EGFLAM: variants seen among roughly 807,000 people sequenced by gnomAD.
EGFLAM encodes the protein EGF like, fibronectin type III and laminin G domains, also known as pikachurin.
In EGFLAM, 79 loss-of-function variants were observed where a neutral mutation model predicts 113.1. The ratio of observed to expected loss-of-function variants is 0.70; its 90% confidence interval spans 0.58 to 0.84. The LOEUF is 0.84. EGFLAM is among the 40% of genes least tolerant of loss of function. The pLI, the probability that EGFLAM is intolerant of heterozygous loss-of-function variation, is 0.00. For missense variants in EGFLAM, 1,265 were observed against 1,291.6 expected (o/e 0.98, Z 0.32); for synonymous variants, 504 against 487.6 (o/e 1.03, Z -0.44).
At chr5:38,363,274 G>A (rs1739974910) in intron 5 of EGFLAM, among the ~76,000 whole-genome samples, 1 of 152,150 alleles carries the variant, frequency 6.6e-6, no homozygotes, top group Non-Finnish European at 1.5e-5. Flanking sequence ...TTTGCCCTGG[G>A]TAATGTATGG....
intron 3 of EGFLAM, chr5:38,345,398 A>G (rs946101195): frequency 1.3e-5 from 2 of 152,366 alleles, no homozygotes; most frequent in East Asian, 3.9e-4. Context: ...AAGAGTCCTG[A>G]AAGTCGCCTG....
intron 12 of EGFLAM, among the ~76,000 whole-genome samples, chr5:38,420,075 A>G (rs1483314698): frequency 2.0e-5 from 3 of 152,182 alleles, no homozygotes; most frequent in Non-Finnish European, 2.9e-5. Flanking sequence ...AACCAATGGT[A>G]CAGAACAGTT....
intron 15 of EGFLAM, 119 bp from the exon 16 acceptor site, chr5:38,435,018 G>T: frequency 1.3e-6 from 1 of 749,832 alleles, no homozygotes; most frequent in East Asian, 2.6e-5. Flanking sequence ...AGATTGTCAT[G>T]ATGGGTCTCT....
intron 1 of EGFLAM, among the ~76,000 whole-genome samples, chr5:38,281,437 C>T (rs1561261437): frequency 6.6e-6 from 1 of 151,964 alleles, no homozygotes; most frequent in Non-Finnish European, 1.5e-5. Context: ...TTGCATGGGA[C>T]ATATTTATAC....
chr5:38,335,309 C>T (rs1026029218), intron 1 of EGFLAM, among the ~76,000 whole-genome samples: 39 of 152,110 alleles, frequency 2.6e-4, no homozygotes, highest in Admixed American at 2.3e-3. Context: ...TTATTTTTAC[C>T]AGCGATATTT....
At chr5:38,275,531 A>G (rs974237259) in intron 1 of EGFLAM, among the ~76,000 whole-genome samples, 4 of 152,242 alleles carry the variant, frequency 2.6e-5, no homozygotes, top group Non-Finnish European at 5.9e-5. Context: ...ACAGTTGTAA[A>G]TATATGTATA....
intron 3 of EGFLAM, among the ~76,000 whole-genome samples, chr5:38,350,183 C>T (rs1031969183): frequency 6.6e-6 from 1 of 152,158 alleles, no homozygotes; most frequent in Non-Finnish European, 1.5e-5. Flanking sequence ...TAGAAAGAAT[C>T]ATTACCTGCC....
intron 5 of EGFLAM, among the ~76,000 whole-genome samples, chr5:38,366,538 T>C (rs562635734): frequency 3.3e-5 from 5 of 152,290 alleles, no homozygotes; most frequent in African/African-American, 7.2e-5. Flanking sequence ...TGGGGTTTGA[T>C]AGTATCAAGA....
chr5:38,268,083 C>A (rs955582422), intron 1 of EGFLAM, among the ~76,000 whole-genome samples: 1 of 152,146 alleles, frequency 6.6e-6, no homozygotes, highest in Non-Finnish European at 1.5e-5. Context: ...CCTGGCCCCA[C>A]CCGGCAAGAT....
chr5:38,380,104 T>G (rs2247366), intron 6 of EGFLAM, among the ~76,000 whole-genome samples: 151 of 152,330 alleles, frequency 9.9e-4, no homozygotes, highest in African/African-American at 3.6e-3. Flanking sequence ...CACAAGAAAT[T>G]ATTATTCTTA....
intron 14 of EGFLAM, 44 bp downstream of exon 14, chr5:38,427,296 A>G (rs1289159964): frequency 6.3e-7 from 1 of 1,596,126 alleles, no homozygotes. Flanking sequence ...TAAAAAGGCA[A>G]ATAGTAACTG....
intron 5 of EGFLAM, among the ~76,000 whole-genome samples, chr5:38,365,466 AC>A (rs1478190529): frequency 6.6e-6 from 1 of 152,190 alleles, no homozygotes. Context: ...AGTTCAAGAA[AC>A]AGATTCCTCT....
intron 5 of EGFLAM, 84 bp from the exon 6 acceptor site, chr5:38,370,212 G>T: frequency 7.2e-7 from 1 of 1,385,676 alleles, no homozygotes; most frequent in Non-Finnish European, 1.0e-6. Context: ...GAGTTCAAAT[G>T]CTATTAGTTT....
chr5:38,459,239 A>T (rs1284281662), intron 20 of EGFLAM, among the ~76,000 whole-genome samples: 1 of 151,760 alleles, frequency 6.6e-6, no homozygotes, highest in Admixed American at 6.6e-5. Context: ...TCCTGGCCTC[A>T]AGTGATTCTC....
intron 1 of EGFLAM, among the ~76,000 whole-genome samples, chr5:38,312,175 C>T (rs1463656355): frequency 2.0e-5 from 3 of 151,814 alleles, no homozygotes; most frequent in Non-Finnish European, 4.4e-5. Context: ...TGGTTCAAAT[C>T]GTGGTTCCAT....
In EGFLAM at chr5:38,458,397, GAGTC is replaced by G. The variant is rs1295218624; in HGVS notation, c.2771+4_2771+7del. 1 of 1,613,796 alleles carries G rather than the reference GAGTC, an allele frequency of 6.2e-7. No homozygotes were observed. On this transcript the variant is annotated splice_donor_5th_base_variant and intron_variant, in intron 20 of 21. Transcript: ENST00000322350. ...TGGCACCGAGTTAAGGCCGTTAGGT[GAGTC>G]CCTCCCGCAGCATGAGGCAGAGCCA... is the stretch of plus-strand genomic sequence containing the variant.
At chr5:38,449,182 A>AT (rs1218671270) in intron 18 of EGFLAM, among the ~76,000 whole-genome samples, 1 of 151,928 alleles carries the variant, frequency 6.6e-6, no homozygotes, top group African/African-American at 2.4e-5. Flanking sequence ...TCATTCTGGG[A>AT]TTTTCCTTCC....
At chr5:38,344,165 G>T (rs1739415989) in intron 3 of EGFLAM, among the ~76,000 whole-genome samples, 1 of 152,220 alleles carries the variant, frequency 6.6e-6, no homozygotes, top group Non-Finnish European at 1.5e-5. Context: ...ACATGATTTT[G>T]TCAATGCAGA....
At chr5:38,272,532 AT>A (rs1399547769) in intron 1 of EGFLAM, among the ~76,000 whole-genome samples, 2 of 152,222 alleles carry the variant, frequency 1.3e-5, no homozygotes, top group Non-Finnish European at 2.9e-5. Flanking sequence ...ATTCTTCAAC[AT>A]TCTTCTTCAA....
Sources: allele counts gnomAD v4.1 joint callset (sites outside exome capture counted in the v4.1 genomes callset), GRCh38; gene constraint gnomAD v4.1.1; transcripts MANE v1.5; gene names NCBI Gene and HGNC (gene_info 2026-07-23, HGNC 2026-07-21).